PEBP4: variants seen among roughly 807,000 people sequenced by gnomAD.
The protein encoded by PEBP4 is phosphatidylethanolamine-binding protein 4.
A neutral mutation model predicts 23.9 loss-of-function variants in PEBP4; 22 were observed. The ratio of observed to expected loss-of-function variants is 0.92; its 90% CI spans 0.66 to 1.31. The LOEUF is 1.31. Among genes scored for constraint, PEBP4 ranks in the 40% most tolerant of loss-of-function variants. The pLI, the probability that PEBP4 is intolerant of heterozygous loss-of-function variation, is 0.00. For missense variants in PEBP4, 324 were observed against 281.7 expected (o/e 1.15, Z -1.07); for synonymous variants, 112 against 99.3 (o/e 1.13, Z -0.76).
In PEBP4 at chr8:22,872,725, G is replaced by A. The variant is rs560387350; in HGVS notation, c.258+47459C>T. On this transcript the variant is annotated intron_variant, in intron 3 of 6. Transcript: ENST00000256404. ...AGAGTCTTGCTCTGTCACCCAGGCT[G>A]GAGTACAGTGGCGTGATCTGGGCTC... 5.3e-5 allele frequency among the ~76,000 whole-genome samples: 8 copies of A among 152,304 alleles called. No individual in the cohort carries two copies. In the South Asian group the frequency reaches 1.0e-3, roughly 20 times the overall value.
At chr8:22,934,843 T>A (rs545934714) in intron 1 of PEBP4, among the ~76,000 whole-genome samples, 13 of 152,324 alleles carry the variant, frequency 8.5e-5, no homozygotes, top group East Asian at 1.9e-4. Context: ...TTAGATTTTT[T>A]AAAAATGATT....
intron 3 of PEBP4, among the ~76,000 whole-genome samples, chr8:22,846,593 G>A (rs1023797814): frequency 5.9e-5 from 9 of 152,136 alleles, no homozygotes; most frequent in African/African-American, 1.7e-4. Flanking sequence ...AGGCCAGGGT[G>A]ACAGGGAGTC....
chr8:22,780,482 C>A (rs1410303607), intron 4 of PEBP4, among the ~76,000 whole-genome samples: 1 of 152,134 alleles, frequency 6.6e-6, no homozygotes, highest in Admixed American at 6.5e-5. Context: ...CCCTGGGAAG[C>A]CAGGCACATT....
intron 3 of PEBP4, among the ~76,000 whole-genome samples, chr8:22,840,936 A>C (rs1209420869): frequency 6.6e-6 from 1 of 152,248 alleles, no homozygotes; most frequent in East Asian, 1.9e-4. Context: ...ACCACCAAGT[A>C]AGTGCCTTTT....
chr8:22,727,288 G>GGGATTGCTTCTCTCTCTGCA lies in PEBP4; in HGVS notation c.358-88_358-69dup, dbSNP rs1373026876. ...ACACTTCAGGCCACGTGGGCTCTGC[G>GGGATTGCTTCTCTCTCTGCA]GGATTGCTTCTCTCTCTGCAGGAGG... is the stretch of plus-strand genomic sequence containing the variant. On this transcript the variant is annotated intron_variant, in intron 4 of 6. Coordinates refer to ENST00000256404, the MANE Select transcript of PEBP4 (RefSeq NM_144962.3). 3 of 1,491,236 alleles carry GGGATTGCTTCTCTCTCTGCA rather than the reference G, an allele frequency of 2.0e-6. No individual in the cohort carries two copies. In the African/African-American group the frequency reaches 4.2e-5, roughly 21 times the overall value. The allele number at this position is 1,491,236 out of a possible 1,614,324, so 92.4% of individuals were successfully genotyped here. A position where few individuals can be genotyped will look rare whatever the true frequency, so the allele number is the denominator to read the frequency against.
intron 3 of PEBP4, among the ~76,000 whole-genome samples, chr8:22,855,000 G>GCACACACA (rs200500141): frequency 1.4e-5 from 1 of 73,698 alleles, no homozygotes; most frequent in African/African-American, 4.3e-5. Context: ...GAGTATGCAC[G>GCACACACA]CACACACACA....
chr8:22,901,036 T>C (rs897453405), intron 3 of PEBP4, among the ~76,000 whole-genome samples: 1 of 152,188 alleles, frequency 6.6e-6, no homozygotes, highest in Non-Finnish European at 1.5e-5. Context: ...TTTTAGCAGT[T>C]TGGGGTGGTT....
intron 3 of PEBP4, among the ~76,000 whole-genome samples, chr8:22,861,971 C>T (rs1320461931): frequency 4.6e-5 from 7 of 152,150 alleles, no homozygotes; most frequent in African/African-American, 1.2e-4. Flanking sequence ...TCTCTGTCCC[C>T]GCTAAGTCTG....
At chr8:22,824,847 A>G (rs1806934481) in intron 3 of PEBP4, among the ~76,000 whole-genome samples, 2 of 152,150 alleles carry the variant, frequency 1.3e-5, no homozygotes, top group Admixed American at 1.3e-4. Context: ...AGTGGCTGTA[A>G]ATATGGATAA....
At chr8:22,751,190 T>C (rs1805247878) in intron 4 of PEBP4, among the ~76,000 whole-genome samples, 1 of 151,960 alleles carries the variant, frequency 6.6e-6, no homozygotes, top group African/African-American at 2.4e-5. Flanking sequence ...CTGGATAGGG[T>C]TGGGGCTGGC....
At chr8:22,851,424 T>C (rs370836989) in intron 3 of PEBP4, among the ~76,000 whole-genome samples, 1 of 152,184 alleles carries the variant, frequency 6.6e-6, no homozygotes, top group African/African-American at 2.4e-5. Context: ...TGAAGCCTAC[T>C]TAAGGTACAC....
At chr8:22,727,579 C>T (rs973591165) in intron 4 of PEBP4, among the ~76,000 whole-genome samples, 2 of 152,164 alleles carry the variant, frequency 1.3e-5, no homozygotes, top group Non-Finnish European at 2.9e-5. Context: ...GGGCGCTACA[C>T]ATCACCTGCA....
chr8:22,725,292 T>C (rs985141218), intron 5 of PEBP4, among the ~76,000 whole-genome samples: 1 of 152,180 alleles, frequency 6.6e-6, no homozygotes, highest in Non-Finnish European at 1.5e-5. Context: ...TCCTGATGGA[T>C]TTCCTGCCTC....
At position 22,834,824 on chromosome 8, in the gene PEBP4, G is replaced by A. The variant is rs547152670; in HGVS notation, c.259-17089C>T. Among the ~76,000 whole-genome samples, 14 of 152,318 alleles carry A rather than the reference G, an allele frequency of 9.2e-5. No homozygotes were observed. In the South Asian group the frequency reaches 2.9e-3, roughly 32 times the overall value. ...CCATCCTGTGACTGAGAGGGGACAAGTGTGTGACTGAAAGCCTGTGTTCTA... is the reference window on the plus strand; with the variant it reads ...CCATCCTGTGACTGAGAGGGGACAAATGTGTGACTGAAAGCCTGTGTTCTA... On this transcript the variant is annotated intron_variant, in intron 3 of 6. Coordinates refer to ENST00000256404, the MANE Select transcript of PEBP4 (RefSeq NM_144962.3).
At chr8:22,802,325 C>T (rs995482303) in intron 4 of PEBP4, among the ~76,000 whole-genome samples, 25 of 152,224 alleles carry the variant, frequency 1.6e-4, no homozygotes, top group African/African-American at 5.8e-4. Context: ...CCCCACTACC[C>T]CCGTGCCAAG....
At chr8:22,887,413 T>A (rs1808405298) in intron 3 of PEBP4, among the ~76,000 whole-genome samples, 1 of 151,624 alleles carries the variant, frequency 6.6e-6, no homozygotes. Context: ...CCTCCCAAAG[T>A]GCTGGGATTA....
chr8:22,828,489 G>A (rs143612834), intron 3 of PEBP4, among the ~76,000 whole-genome samples: 1 of 152,226 alleles, frequency 6.6e-6, no homozygotes, highest in African/African-American at 2.4e-5. Context: ...TGTCTCTCCA[G>A]CAATTGCTCT....
rs1449777520 is a variant in PEBP4, at chr8:22,865,881, C to T, written c.259-48146G>A. ...GCAGGGCCCACCCCGGCTGTCCCAG[C>T]TCGGGCGCCCCAAACCCACAGCTCC... On this transcript the variant is annotated intron_variant, in intron 3 of 6. Transcript: ENST00000256404. The surrounding 1 kb of genome is among the most constrained non-coding windows in gnomAD (Gnocchi z 6.9). Among the ~76,000 whole-genome samples, 1 of 152,146 alleles carries T rather than the reference C, an allele frequency of 6.6e-6. No individual in the cohort carries two copies. Among genetic ancestry groups the T allele is most frequent in the Non-Finnish European group, 1.5e-5 (1 of 68,010 alleles).
At chr8:22,731,927 G>A (rs1360634025) in intron 4 of PEBP4, among the ~76,000 whole-genome samples, 2 of 151,626 alleles carry the variant, frequency 1.3e-5, no homozygotes, top group African/African-American at 4.9e-5. Flanking sequence ...CGCCCGCCTC[G>A]GCTTCCCAAA....
Sources: allele counts gnomAD v4.1 joint callset (sites outside exome capture counted in the v4.1 genomes callset), GRCh38; gene constraint gnomAD v4.1.1; non-coding constraint Gnocchi (gnomAD v3.1); transcripts MANE v1.5; gene names NCBI Gene and HGNC (gene_info 2026-07-23, HGNC 2026-07-21).